DKK2: variants seen among roughly 807,000 people sequenced by gnomAD.
The protein encoded by DKK2 is dickkopf-related protein 2.
Under a neutral mutation model 28.1 loss-of-function variants are expected in DKK2, and 11 were observed. That is an observed-to-expected ratio of 0.39 (90% CI 0.25 to 0.65). DKK2 has a LOEUF of 0.65. Among genes scored for constraint, DKK2 ranks in the 30% least tolerant of loss-of-function variants. The pLI is 0.47. For missense variants in DKK2, 326 were observed against 335.5 expected, an observed-to-expected ratio of 0.97 and a Z score of 0.22; for synonymous variants, 135 against 126.5, an observed-to-expected ratio of 1.07 and a Z score of -0.45.
intron 1 of DKK2, among the ~76,000 whole-genome samples, chr4:106,971,738 C>G (rs1170009777): frequency 2.0e-5 from 3 of 152,026 alleles, no homozygotes; most frequent in Non-Finnish European, 4.4e-5. Context: ...TCCTTTGTTC[C>G]TAGATGCCTT....
chr4:106,945,720 A>G (rs935209356), intron 1 of DKK2, among the ~76,000 whole-genome samples: 3 of 152,166 alleles, frequency 2.0e-5, no homozygotes, highest in Non-Finnish European at 2.9e-5. Flanking sequence ...TGAGTCCTCA[A>G]CCATATCCAA....
intron 1 of DKK2, among the ~76,000 whole-genome samples, chr4:107,034,659 T>A (rs1464275202): frequency 6.6e-6 from 1 of 152,120 alleles, no homozygotes; most frequent in Non-Finnish European, 1.5e-5. Context: ...TCCTTCCGGG[T>A]GATTTATGTA....
chr4:106,994,405 A>G, intron 1 of DKK2, among the ~76,000 whole-genome samples: 1 of 151,970 alleles, frequency 6.6e-6, no homozygotes, highest in South Asian at 2.1e-4. Context: ...TTCTTCTAGA[A>G]AGAAACCTTT....
At chr4:106,995,957 A>G (rs1403715519) in intron 1 of DKK2, among the ~76,000 whole-genome samples, 1 of 152,196 alleles carries the variant, frequency 6.6e-6, no homozygotes, top group Non-Finnish European at 1.5e-5. Flanking sequence ...GGGCACTCCA[A>G]AAGAAATTTT....
intron 1 of DKK2, among the ~76,000 whole-genome samples, chr4:106,935,168 A>C (rs1269937732): frequency 6.6e-6 from 1 of 152,216 alleles, no homozygotes; most frequent in African/African-American, 2.4e-5. Flanking sequence ...TGAGTGAGGC[A>C]GAAGACGGTG....
intron 1 of DKK2, among the ~76,000 whole-genome samples, chr4:106,983,337 G>GAAAAAAGA (rs1723059615): frequency 8.3e-6 from 1 of 120,432 alleles, no homozygotes; most frequent in African/African-American, 3.2e-5. Flanking sequence ...AGGAAGAAAG[G>GAAAAAAGA]AAGAAAGAAA....
chr4:106,960,476 C>T (rs1175286686), intron 1 of DKK2, among the ~76,000 whole-genome samples: 1 of 152,058 alleles, frequency 6.6e-6, no homozygotes, highest in African/African-American at 2.4e-5. Flanking sequence ...GAACAATGTA[C>T]ACTACCCAGG....
chr4:106,985,409 G>T (rs567344840), intron 1 of DKK2, among the ~76,000 whole-genome samples: 2 of 152,166 alleles, frequency 1.3e-5, no homozygotes, highest in South Asian at 4.1e-4. Context: ...GTTTGGCAAG[G>T]TGTTACCACT....
At chr4:106,953,285 T>C (rs771831015) in intron 1 of DKK2, among the ~76,000 whole-genome samples, 1 of 152,154 alleles carries the variant, frequency 6.6e-6, no homozygotes, top group Non-Finnish European at 1.5e-5. Flanking sequence ...CACTATGTGT[T>C]CACTACTCCA....
chr4:106,962,855 C>T (rs763930413), intron 1 of DKK2, among the ~76,000 whole-genome samples: 1 of 151,772 alleles, frequency 6.6e-6, no homozygotes, highest in Non-Finnish European at 1.5e-5. Flanking sequence ...GCAAACTGCA[C>T]CTCAGATAAA....
chr4:106,945,613 G>A (rs571112925), intron 1 of DKK2, among the ~76,000 whole-genome samples: 2 of 152,218 alleles, frequency 1.3e-5, no homozygotes, highest in South Asian at 4.1e-4. Flanking sequence ...GTTCACGTCT[G>A]CAGTGGAATC....
chr4:106,958,837 CA>C (rs767389620), intron 1 of DKK2, among the ~76,000 whole-genome samples: 1,636 of 67,014 alleles, frequency 0.024, 20 homozygotes, highest in African/African-American at 0.053. Context: ...AACTCAATCT[CA>C]AAAAAAAAAA....
At chr4:107,005,502 T>G (rs1723425787) in intron 1 of DKK2, among the ~76,000 whole-genome samples, 1 of 152,152 alleles carries the variant, frequency 6.6e-6, no homozygotes, top group Admixed American at 6.5e-5. Flanking sequence ...TGCTTCTTCC[T>G]TCTTGATGCC....
chr4:106,952,446 C>G (rs573525437), intron 1 of DKK2, among the ~76,000 whole-genome samples: 9 of 152,136 alleles, frequency 5.9e-5, no homozygotes, highest in Non-Finnish European at 1.0e-4. Flanking sequence ...GCCATAGAAA[C>G]TGGCATCTTG....
rs1265099536 is a variant in DKK2, at chr4:106,937,748, A to G, written c.223-11799T>C. ...CTCTCCTCAGCAAATGTAAAAGAAC[A>G]GAAATTATAACAAACTATCTCTCAG... On this transcript the variant is annotated intron_variant, in intron 1 of 3. Coordinates refer to ENST00000285311, the MANE Select transcript of DKK2 (RefSeq NM_014421.3). Among the ~76,000 whole-genome samples, 5 of 145,780 alleles carry G rather than the reference A, an allele frequency of 3.4e-5. No individual in the cohort carries two copies. In the South Asian group the frequency reaches 1.1e-3, roughly 33 times the overall value.
chr4:106,992,578 A>C (rs1280079976), intron 1 of DKK2, among the ~76,000 whole-genome samples: 1 of 152,248 alleles, frequency 6.6e-6, no homozygotes, highest in Non-Finnish European at 1.5e-5. Context: ...GGCTATAACA[A>C]AGACAAATTT....
intron 1 of DKK2, among the ~76,000 whole-genome samples, chr4:106,934,154 T>C (rs1401441324): frequency 6.6e-6 from 1 of 151,740 alleles, no homozygotes; most frequent in African/African-American, 2.4e-5. Context: ...AACAGGAAGG[T>C]AGACAGGATT....
intron 1 of DKK2, among the ~76,000 whole-genome samples, chr4:107,024,387 A>C (rs1273201344): frequency 2.6e-5 from 4 of 152,190 alleles, no homozygotes; most frequent in Non-Finnish European, 5.9e-5. Context: ...TCTTATCAGA[A>C]ATATGAAAGT....
In DKK2 at chr4:106,923,900, T is replaced by C; in HGVS notation, c.*54A>G. ...AACCTTATTTTCCACCATGCTATAA[T>C]GCATTAAATACACAACTTCACAGTC... On this transcript the variant is annotated 3_prime_UTR_variant, in exon 4 of 4. Coordinates refer to ENST00000285311, the MANE Select transcript of DKK2 (RefSeq NM_014421.3). The C allele has an allele frequency of 4.4e-6, 7 of 1,597,508 alleles. No homozygotes were observed. Among genetic ancestry groups the C allele is most frequent in the Non-Finnish European group, 4.3e-6 (5 of 1,167,730 alleles).
Sources: gnomAD v4.1 joint callset for allele counts (sites outside exome capture counted in the v4.1 genomes callset) on GRCh38, gnomAD v4.1.1 for gene constraint, MANE v1.5 for transcripts, NCBI Gene and HGNC (gene_info 2026-07-23, HGNC 2026-07-21) for gene names.